Variants in MEF2A observed in about 807,000 individuals in gnomAD.
MEF2A encodes the protein myocyte enhancer factor 2A.
A neutral mutation model predicts 55.8 loss-of-function variants in MEF2A; 28 were observed. The observed-to-expected ratio is 0.50, with a 90% CI of 0.37 to 0.69. The LOEUF is 0.69. Ranked by LOEUF, MEF2A falls within the 30% of genes least tolerant of loss-of-function variation. MEF2A has a pLI of 0.00. For missense variants in MEF2A, 528 were observed against 626.2 expected (o/e 0.84, Z 1.67); for synonymous variants, 239 against 227.1 (o/e 1.05, Z -0.47).
chr15:99,620,058 C>T (rs1020099834), intron 2 of MEF2A, among the ~76,000 whole-genome samples: 2 of 152,152 alleles, frequency 1.3e-5, no homozygotes, highest in Admixed American at 6.5e-5. Flanking sequence ...AACTTTTTTT[C>T]GTACCACGAC....
At chr15:99,586,569 T>A (rs983943836) in intron 1 of MEF2A, among the ~76,000 whole-genome samples, 1 of 152,202 alleles carries the variant, frequency 6.6e-6, no homozygotes, top group African/African-American at 2.4e-5. Flanking sequence ...ATATTCTACA[T>A]AGAAGTCTTT....
At chr15:99,621,264 A>G (rs548017030) in intron 2 of MEF2A, among the ~76,000 whole-genome samples, 5 of 152,276 alleles carry the variant, frequency 3.3e-5, no homozygotes, top group East Asian at 1.9e-4. Flanking sequence ...TAATGGCTAC[A>G]GTATTGTAGG....
chr15:99,571,371 A>G (rs1962214489), intron 1 of MEF2A, among the ~76,000 whole-genome samples: 1 of 152,162 alleles, frequency 6.6e-6, no homozygotes, highest in African/African-American at 2.4e-5. Context: ...AGAGGATTAA[A>G]TGAGGTGTGT....
chr15:99,698,585 G>C (rs2056867325), intron 8 of MEF2A, among the ~76,000 whole-genome samples: 1 of 152,106 alleles, frequency 6.6e-6, no homozygotes. Context: ...CTGAGGTTGG[G>C]AGTTCGAGAC....
chr15:99,665,731 CA>C (rs752473261), intron 4 of MEF2A, among the ~76,000 whole-genome samples: 3,552 of 20,272 alleles, frequency 0.18, 23 homozygotes, highest in East Asian at 0.22. Context: ...CTTAAATTTA[CA>C]AAAAAAAAAA....
chr15:99,707,402 C>A (rs767539121), intron 10 of MEF2A, among the ~76,000 whole-genome samples: 4 of 152,140 alleles, frequency 2.6e-5, no homozygotes, highest in Non-Finnish European at 5.9e-5. Flanking sequence ...AAGGGCTGTT[C>A]TGATTTCTCC....
chr15:99,689,831 T>C (rs1480864642), intron 7 of MEF2A, among the ~76,000 whole-genome samples: 1 of 152,216 alleles, frequency 6.6e-6, no homozygotes, highest in Non-Finnish European at 1.5e-5. Context: ...GGAGTAATGC[T>C]GTACAAGTAT....
chr15:99,588,951 G>T (rs1366166232), intron 1 of MEF2A, among the ~76,000 whole-genome samples: 1 of 151,978 alleles, frequency 6.6e-6, no homozygotes, highest in Non-Finnish European at 1.5e-5. Flanking sequence ...TATTTTGCTG[G>T]ATTTGACCTG....
intron 1 of MEF2A, among the ~76,000 whole-genome samples, chr15:99,593,017 T>C (rs1969876911): frequency 6.6e-6 from 1 of 152,178 alleles, no homozygotes; most frequent in African/African-American, 2.4e-5. Context: ...GTATACAATA[T>C]TGTATTAAAA....
At chr15:99,642,601 T>G (rs1267544124) in intron 3 of MEF2A, among the ~76,000 whole-genome samples, 2 of 152,180 alleles carry the variant, frequency 1.3e-5, no homozygotes, top group African/African-American at 4.8e-5. Flanking sequence ...TCTCTGACAG[T>G]TTTTGGCAAT....
At chr15:99,659,399 A>T (rs1001628580) in intron 4 of MEF2A, among the ~76,000 whole-genome samples, 1 of 152,104 alleles carries the variant, frequency 6.6e-6, no homozygotes, top group African/African-American at 2.4e-5. Flanking sequence ...CACACTTCTC[A>T]CTGAGGAAGA....
At chr15:99,680,926 A>G (rs1458811578) in intron 7 of MEF2A, among the ~76,000 whole-genome samples, 1 of 152,202 alleles carries the variant, frequency 6.6e-6, no homozygotes, top group Admixed American at 6.5e-5. Flanking sequence ...TCATCTGTGC[A>G]AATAAAACTT....
At chr15:99,631,119 TCCA>T (rs2042875552) in intron 2 of MEF2A, among the ~76,000 whole-genome samples, 4 of 152,208 alleles carry the variant, frequency 2.6e-5, no homozygotes, top group Non-Finnish European at 5.9e-5. Flanking sequence ...AGCAAACTAC[TCCA>T]CCATTGTCAA....
At chr15:99,705,917 C>T (rs1423191625) in intron 9 of MEF2A, among the ~76,000 whole-genome samples, 1 of 152,168 alleles carries the variant, frequency 6.6e-6, no homozygotes, top group Non-Finnish European at 1.5e-5. Context: ...TTTCAAAAAC[C>T]GTTACCTTAA....
intron 2 of MEF2A, among the ~76,000 whole-genome samples, chr15:99,619,373 G>A (rs2040757372): frequency 6.6e-6 from 1 of 152,198 alleles, no homozygotes; most frequent in Non-Finnish European, 1.5e-5. Flanking sequence ...CCACAGACCT[G>A]AGTTGTCTTG....
At chr15:99,631,934 T>C (rs1009123507) in intron 2 of MEF2A, among the ~76,000 whole-genome samples, 11 of 152,210 alleles carry the variant, frequency 7.2e-5, no homozygotes, top group African/African-American at 2.7e-4. Flanking sequence ...GATACACATG[T>C]ACAGTATTGA....
At chr15:99,574,770 C>G (rs1450277035) in intron 1 of MEF2A, among the ~76,000 whole-genome samples, 1 of 152,188 alleles carries the variant, frequency 6.6e-6, no homozygotes, top group African/African-American at 2.4e-5. Context: ...TCCTAACAGG[C>G]CATGGACTGG....
chr15:99,582,525 T>C (rs1200619730), intron 1 of MEF2A, among the ~76,000 whole-genome samples: 1 of 152,128 alleles, frequency 6.6e-6, no homozygotes, highest in African/African-American at 2.4e-5. Flanking sequence ...GTATACACAC[T>C]GCATTGAAGG....
intron 2 of MEF2A, among the ~76,000 whole-genome samples, chr15:99,605,806 A>G (rs752213695): frequency 5.3e-5 from 8 of 152,130 alleles, no homozygotes; most frequent in African/African-American, 7.2e-5. Context: ...CCCTGTCTCT[A>G]CAAAAAATAC....
Sources: gnomAD v4.1 joint callset for allele counts (sites outside exome capture counted in the v4.1 genomes callset) on GRCh38, gnomAD v4.1.1 for gene constraint, MANE v1.5 for transcripts, NCBI Gene and HGNC (gene_info 2026-07-23, HGNC 2026-07-21) for gene names.